The following CPXM2 variants were observed in gnomAD, a reference collection of about 807,000 sequenced individuals.
CPXM2 encodes inactive carboxypeptidase-like protein X2.
CPXM2 carries 66 observed loss-of-function variants against 86.1 expected under a neutral mutation model. The ratio of observed to expected loss-of-function variants is 0.77; its 90% CI spans 0.63 to 0.94. The LOEUF (loss-of-function observed/expected upper bound fraction) is 0.94. Ranked by LOEUF, CPXM2 falls within the 40% of genes least tolerant of loss-of-function variation. The probability of loss-of-function intolerance (pLI) is 0.00; values close to 1 mark genes in which losing one functional copy is unlikely to be tolerated. For synonymous variants in CPXM2, 388 were observed against 400.2 expected, an observed-to-expected ratio of 0.97 and a Z score of 0.36; for missense variants, 948 against 1,026.3, an observed-to-expected ratio of 0.92 and a Z score of 1.04.
At chr10:123,939,120 A>C (rs1425289061) in intron 2 of CPXM2, among the ~76,000 whole-genome samples, 1 of 152,210 alleles carries the variant, frequency 6.6e-6, no homozygotes, top group South Asian at 2.1e-4. Flanking sequence ...AACTGTGAGC[A>C]GTGCCAATTA....
rs1270052147 is a variant in CPXM2, at chr10:123,754,029, A to G, written c.2017+634T>C. The stretch of plus-strand genomic sequence containing the variant: ...CAGAGCTAATACAAGAAAGCTATTA[A>G]GAGAGTGGCATATAGGAGATGCCCA... On this transcript the variant is annotated intron_variant, in intron 13 of 13. Transcript: ENST00000241305. The surrounding 1 kb of genome is among the most constrained non-coding windows in gnomAD (Gnocchi z 4.0). 6.6e-6 allele frequency among the ~76,000 whole-genome samples: 1 copy of G among 152,256 alleles called. No individual in the cohort carries two copies. Among genetic ancestry groups the G allele is most frequent in the African/African-American group, 2.4e-5 (1 of 41,466 alleles).
chr10:123,892,518 G>T (rs561571910), upstream of CPXM2, among the ~76,000 whole-genome samples: 85 of 152,332 alleles, frequency 5.6e-4, 1 homozygote, highest in South Asian at 0.016. Context: ...CGGAGCCCAG[G>T]CCCATGGCCC....
chr10:123,783,190 G>C (rs561039112), intron 6 of CPXM2, among the ~76,000 whole-genome samples: 25 of 152,250 alleles, frequency 1.6e-4, no homozygotes, highest in Non-Finnish European at 3.4e-4. Flanking sequence ...ACAAGAAATA[G>C]AAGCAGCTGA....
intron 4 of CPXM2, among the ~76,000 whole-genome samples, chr10:123,814,735 G>A (rs1026292048): frequency 6.6e-6 from 1 of 152,134 alleles, no homozygotes; most frequent in African/African-American, 2.4e-5. Context: ...AGAGAATTAT[G>A]CAAAATTTCC....
chr10:123,811,108 T>C (rs980969598), intron 4 of CPXM2, among the ~76,000 whole-genome samples: 1 of 151,464 alleles, frequency 6.6e-6, no homozygotes, highest in African/African-American at 2.4e-5. Flanking sequence ...CTGGACCCTA[T>C]ACCTAACATT....
rs1295070123 is a variant in CPXM2 at position 123,770,990 on chromosome 10, T to C, written c.1028A>G (p.Asn343Ser). Residue 343 changes from asparagine (N) to serine (S), a missense_variant, in exon 8 of 14, where the codon AAC (asparagine) becomes AGC (serine). Transcript: ENST00000241305. ...EMCPNITRIY[N>S]IGKSHQGLKL... ...CAGGCCCTGGTGGCTTTTTCCAATG[T>C]TGTAAATTCTGGTGATATTGGGACA... 1 of 1,613,676 alleles carries C rather than the reference T, an allele frequency of 6.2e-7. No homozygotes were observed. Among genetic ancestry groups the C allele is most frequent in the South Asian group, 1.1e-5 (1 of 91,080 alleles).
chr10:123,936,760 T>C (rs201831984), intron 2 of CPXM2, among the ~76,000 whole-genome samples: 1 of 152,148 alleles, frequency 6.6e-6, no homozygotes, highest in Non-Finnish European at 1.5e-5. Flanking sequence ...TCTCTCCCCA[T>C]ACTCCCACCT....
At chr10:123,809,261 G>C (rs1369320790) in intron 4 of CPXM2, among the ~76,000 whole-genome samples, 1 of 152,146 alleles carries the variant, frequency 6.6e-6, no homozygotes, top group Non-Finnish European at 1.5e-5. Context: ...AAGCCATAAA[G>C]TGTTTCCTTT....
chr10:123,786,282 C>T (rs1190890741), intron 6 of CPXM2, among the ~76,000 whole-genome samples: 3 of 152,170 alleles, frequency 2.0e-5, no homozygotes, highest in Non-Finnish European at 4.4e-5. Context: ...ACTCAAGGCT[C>T]GTGGAAGGAG....
At chr10:123,819,375 C>T (rs183928432) in intron 4 of CPXM2, among the ~76,000 whole-genome samples, 27 of 152,304 alleles carry the variant, frequency 1.8e-4, no homozygotes, top group Admixed American at 5.2e-4. Flanking sequence ...AAAACATGAC[C>T]TGCTGGGGTG....
At chr10:123,767,349 G>A (rs979274627) in intron 9 of CPXM2, among the ~76,000 whole-genome samples, 197 bp from the exon 10 acceptor site, 2 of 152,172 alleles carry the variant, frequency 1.3e-5, no homozygotes, top group Non-Finnish European at 2.9e-5. Flanking sequence ...AGATAGTTCA[G>A]CCAAATTACT....
rs200539842 is a variant in CPXM2, at chr10:123,770,932, A to G, written c.1086T>C (p.Pro362=). 4.8e-5 allele frequency: 78 copies of G among 1,610,482 alleles called. No individual in the cohort carries two copies. The East Asian group carries it at 1.7e-3, about 36-fold the overall frequency. ...CCTTCTCACCGACTTCATGCTCCCCAGGGTGATCTGAGATCTCCACAGCAT... is the reference window on the plus strand; with the variant it reads ...CCTTCTCACCGACTTCATGCTCCCCGGGGTGATCTGAGATCTCCACAGCAT... ...KLYAVEISDH[P]GEHEVGEPEF... The change falls in exon 8 of 14, where the codon CCT becomes CCC. Residue 362 remains proline (P), a synonymous_variant. Transcript: ENST00000241305.
intron 13 of CPXM2, among the ~76,000 whole-genome samples, chr10:123,749,828 C>T (rs534341872): frequency 6.6e-5 from 10 of 152,282 alleles, no homozygotes; most frequent in South Asian, 4.1e-4. Context: ...TTTTTTGAGA[C>T]GGAGTCTCAC....
chr10:123,923,957 G>T (rs1945601135), intron 2 of CPXM2, among the ~76,000 whole-genome samples: 1 of 152,178 alleles, frequency 6.6e-6, no homozygotes, highest in Admixed American at 6.5e-5. Flanking sequence ...CACAGTCTCA[G>T]GTATGTCTTT....
intron 3 of CPXM2, among the ~76,000 whole-genome samples, chr10:123,861,561 A>T (rs1049262448): frequency 6.6e-6 from 1 of 152,224 alleles, no homozygotes; most frequent in African/African-American, 2.4e-5. Flanking sequence ...AGATGATCCC[A>T]GGCTATCCAG....
chr10:123,863,931 ACCAGAGGGCCTTGTCAGAAT>A (rs1848919184), intron 2 of CPXM2, among the ~76,000 whole-genome samples: 1 of 152,122 alleles, frequency 6.6e-6, no homozygotes, highest in Non-Finnish European at 1.5e-5. Context: ...ACTGGTATCC[ACCAGAGGGCCTTGTCAGAAT>A]CCAGGGCAAG....
intron 11 of CPXM2, among the ~76,000 whole-genome samples, chr10:123,760,529 G>A (rs1846308233): frequency 6.6e-6 from 1 of 152,164 alleles, no homozygotes; most frequent in African/African-American, 2.4e-5. Context: ...TCCCAAGGGT[G>A]GGAACATACT....
chr10:123,806,548 C>T (rs1468005303), intron 4 of CPXM2, among the ~76,000 whole-genome samples: 1 of 152,000 alleles, frequency 6.6e-6, no homozygotes, highest in Non-Finnish European at 1.5e-5. Flanking sequence ...CTGGTTAATA[C>T]CTCAGGCTTT....
intron 2 of CPXM2, among the ~76,000 whole-genome samples, chr10:123,928,858 T>C (rs1014792790): frequency 2.6e-5 from 4 of 152,256 alleles, no homozygotes; most frequent in African/African-American, 4.8e-5. Context: ...AAATTACTGG[T>C]TCACAAAATC....
Sources: allele counts gnomAD v4.1 joint callset (sites outside exome capture counted in the v4.1 genomes callset), GRCh38; gene constraint gnomAD v4.1.1; non-coding constraint Gnocchi (gnomAD v3.1); transcripts MANE v1.5; gene names NCBI Gene and HGNC (gene_info 2026-07-23, HGNC 2026-07-21).